DLG2: variants seen among roughly 807,000 people sequenced by gnomAD.
DLG2 encodes discs large MAGUK scaffold protein 2.
DLG2 carries 45 observed loss-of-function variants against 132.5 expected under a neutral mutation model. The observed-to-expected ratio is 0.34, with a 90% confidence interval of 0.27 to 0.44. The LOEUF is 0.44. Among genes scored for constraint, DLG2 ranks in the 20% least tolerant of loss-of-function variants. DLG2 has a pLI of 1.00. For synonymous variants in DLG2, 424 were observed against 419.6 expected, an observed-to-expected ratio of 1.01 and a Z score of -0.13; for missense variants, 1,045 against 1,196.9, an observed-to-expected ratio of 0.87 and a Z score of 1.87.
chr11:84,236,587 G>A (rs918438050), intron 8 of DLG2, among the ~76,000 whole-genome samples: 2 of 152,204 alleles, frequency 1.3e-5, no homozygotes, highest in African/African-American at 2.4e-5. Flanking sequence ...AACAACCCTT[G>A]GAGGGGTGTT....
chr11:84,259,497 C>G (rs562695114), intron 7 of DLG2, among the ~76,000 whole-genome samples: 1 of 152,074 alleles, frequency 6.6e-6, no homozygotes, highest in African/African-American at 2.4e-5. Context: ...GCTGGACTTA[C>G]TGAGACACGA....
At chr11:83,767,301 T>C (rs1055324981) in intron 18 of DLG2, among the ~76,000 whole-genome samples, 1 of 152,222 alleles carries the variant, frequency 6.6e-6, no homozygotes, top group African/African-American at 2.4e-5. Context: ...GTTACATAGG[T>C]AAATGTGTGT....
chr11:85,592,500 C>A lies in DLG2; in HGVS notation c.40+6157G>T, dbSNP rs537334950. 3.9e-5 allele frequency among the ~76,000 whole-genome samples: 6 copies of A among 152,240 alleles called. No individual in the cohort carries two copies. The East Asian group carries it at 1.2e-3, about 29-fold the overall frequency. ...ATGCCTCTCTCACATGGGCCAGCAA[C>A]AACATATCAATGTAGCTTTATCCAT... On this transcript the variant is annotated intron_variant, in intron 3 of 27. Transcript: ENST00000376104.
At chr11:84,819,107 A>AC (rs58113219) in intron 6 of DLG2, among the ~76,000 whole-genome samples, 3 of 125,558 alleles carry the variant, frequency 2.4e-5, no homozygotes, top group African/African-American at 2.9e-5. Context: ...ACACACACAC[A>AC]ATTTCGTTTG....
intron 3 of DLG2, among the ~76,000 whole-genome samples, chr11:85,466,593 C>A (rs925603442): frequency 2.7e-4 from 41 of 152,248 alleles, no homozygotes; most frequent in Non-Finnish European, 5.9e-4. Context: ...TTGTTTTTGT[C>A]AGGTTTGTCA....
At chr11:84,246,952 C>G (rs1263221795) in intron 8 of DLG2, among the ~76,000 whole-genome samples, 1 of 152,012 alleles carries the variant, frequency 6.6e-6, no homozygotes, top group Non-Finnish European at 1.5e-5. Context: ...TCAAGCACTA[C>G]CATTTACTAG....
rs1430639309 is a variant in DLG2, at chr11:83,541,694, G to C, written c.2105C>G (p.Pro702Arg). The C allele has an allele frequency of 6.2e-7, 1 of 1,603,766 alleles. No individual in the cohort carries two copies. The highest frequency in any genetic ancestry group is 8.5e-7 in the Non-Finnish European group (1 of 1,175,282). ...EGDSEEMGVIPSKRRVERKER... is the reference protein window; with the variant it reads ...EGDSEEMGVIRSKRRVERKER... ...AAGGCATTCTTACCTCCTTTTGCTGGGGATGACCCCCATCTCCTCACTGTC... is the reference window on the plus strand; with the variant it reads ...AAGGCATTCTTACCTCCTTTTGCTGCGGATGACCCCCATCTCCTCACTGTC... The change falls in exon 20 of 28, where the codon CCC (proline) becomes CGC (arginine). Residue 702 changes from proline (P) to arginine (R), a missense_variant. By Grantham distance (103) the Pro-to-Arg change is moderately radical. This residue lies in a region of DLG2 where 398 missense variants were observed against 543.6 expected (regional missense o/e 0.73). Transcript: ENST00000376104.
At chr11:85,478,735 T>C (rs1465253359) in intron 3 of DLG2, among the ~76,000 whole-genome samples, 1 of 152,230 alleles carries the variant, frequency 6.6e-6, no homozygotes, top group East Asian at 1.9e-4. Context: ...TCTACCTCTC[T>C]CTTTTAGGGA....
At chr11:84,549,713 A>C (rs910886890) in intron 6 of DLG2, among the ~76,000 whole-genome samples, 3 of 152,264 alleles carry the variant, frequency 2.0e-5, no homozygotes, top group Admixed American at 2.0e-4. Context: ...CCGCCTCCTA[A>C]CAGGTGCTTA....
intron 11 of DLG2, among the ~76,000 whole-genome samples, chr11:83,999,810 G>T (rs1383245361): frequency 6.6e-6 from 1 of 151,560 alleles, no homozygotes; most frequent in Non-Finnish European, 1.5e-5. Flanking sequence ...CACACAACAA[G>T]AATCAAAGCC....
At chr11:85,021,191 G>T in intron 6 of DLG2, 1 of 1,040,764 alleles carries the variant, frequency 9.6e-7, no homozygotes, top group Non-Finnish European at 1.5e-6. Context: ...TTTTCCCTTC[G>T]TGAGTTGTTT....
chr11:84,430,156 A>C (rs1170287143), intron 7 of DLG2, among the ~76,000 whole-genome samples: 2 of 152,138 alleles, frequency 1.3e-5, no homozygotes, highest in Non-Finnish European at 1.5e-5. Flanking sequence ...TGCAGCTAAT[A>C]GCCAGGCACA....
intron 2 of DLG2, among the ~76,000 whole-genome samples, chr11:85,617,583 T>C (rs2081424431): frequency 6.6e-6 from 1 of 152,252 alleles, no homozygotes; most frequent in South Asian, 2.1e-4. Context: ...GCACTCATAA[T>C]ACACCTTTGT....
chr11:83,685,381 G>T (rs540960176), intron 18 of DLG2, among the ~76,000 whole-genome samples: 2 of 152,194 alleles, frequency 1.3e-5, no homozygotes, highest in Non-Finnish European at 2.9e-5. Context: ...TGAAAACATT[G>T]TCACTCACAA....
chr11:85,400,050 T>C (rs2152961049), intron 3 of DLG2, among the ~76,000 whole-genome samples: 1 of 151,448 alleles, frequency 6.6e-6, no homozygotes, highest in African/African-American at 2.4e-5. Flanking sequence ...AGGGCTAATA[T>C]CCAGAATCTA....
intron 12 of DLG2, among the ~76,000 whole-genome samples, chr11:83,976,854 A>G (rs1480593330): frequency 2.6e-5 from 4 of 151,962 alleles, no homozygotes; most frequent in South Asian, 4.1e-4. Flanking sequence ...CACTAGACAT[A>G]TATGAACTAA....
intron 6 of DLG2, among the ~76,000 whole-genome samples, chr11:84,841,084 G>A (rs1052321322): frequency 6.6e-6 from 1 of 151,558 alleles, no homozygotes; most frequent in African/African-American, 2.4e-5. Flanking sequence ...AATAAAAAGA[G>A]TGCAGTAAAA....
chr11:83,480,978 C>T (rs2093054173), intron 22 of DLG2, among the ~76,000 whole-genome samples: 1 of 152,070 alleles, frequency 6.6e-6, no homozygotes, highest in Non-Finnish European at 1.5e-5. Flanking sequence ...ATCTTTTCTG[C>T]TTCAGTGAGT....
In DLG2 at chr11:84,658,985, T is replaced by C. The variant is rs2099691493; in HGVS notation, c.358-124254A>G. ...AACTGAGCCCTCACTAAACATCAAA[T>C]CTGTTGGCGCCTTGATCTTGGAATT... On this transcript the variant is annotated intron_variant, in intron 6 of 27. Coordinates refer to ENST00000376104, the MANE Select transcript of DLG2 (RefSeq NM_001142699.3). Among the ~76,000 whole-genome samples the C allele has an allele frequency of 2.0e-5, 3 of 152,224 alleles. No individual in the cohort carries two copies. The South Asian group carries it at 6.2e-4, about 32-fold the overall frequency.
Sources: allele counts gnomAD v4.1 joint callset (sites outside exome capture counted in the v4.1 genomes callset), GRCh38; gene constraint gnomAD v4.1.1; regional missense constraint gnomAD v4.1.1; transcripts MANE v1.5; gene names NCBI Gene and HGNC (gene_info 2026-07-23, HGNC 2026-07-21).